Variants in MICAL3 observed in about 807,000 individuals in gnomAD.
The protein encoded by MICAL3 is [F-actin]-monooxygenase MICAL3.
In MICAL3, 62 loss-of-function variants were observed where a neutral mutation model predicts 207.4. The ratio of observed to expected loss-of-function variants is 0.30; its 90% CI spans 0.24 to 0.37. MICAL3 has a LOEUF of 0.37. Among genes scored for constraint, MICAL3 ranks in the 10% least tolerant of loss-of-function variants. The pLI is 1.00. For missense variants in MICAL3, 2,368 were observed against 2,635.6 expected, an observed-to-expected ratio of 0.90 and a Z score of 2.22; for synonymous variants, 1,077 against 1,069.3, an observed-to-expected ratio of 1.01 and a Z score of -0.14.
intron 1 of MICAL3, among the ~76,000 whole-genome samples, chr22:17,942,072 G>A (rs1339459523): frequency 6.6e-6 from 1 of 152,180 alleles, no homozygotes; most frequent in African/African-American, 2.4e-5. Flanking sequence ...TCAAGGAAAC[G>A]ACTTGCCTAA....
intron 29 of MICAL3, among the ~76,000 whole-genome samples, chr22:17,806,176 T>C (rs1388055563): frequency 6.6e-6 from 1 of 152,236 alleles, no homozygotes; most frequent in African/African-American, 2.4e-5. Flanking sequence ...TGTAAATGTG[T>C]TAGTGAAGAG....
At chr22:17,885,382 G>A (rs1046989797) in intron 16 of MICAL3, among the ~76,000 whole-genome samples, 3 of 152,136 alleles carry the variant, frequency 2.0e-5, no homozygotes, top group African/African-American at 7.2e-5. Context: ...ACATGGGAAC[G>A]CCTACGGTTA....
chr22:17,983,464 CCA>C (rs1488321730), intron 1 of MICAL3: 47 of 139,378 alleles, frequency 3.4e-4, no homozygotes, highest in African/African-American at 1.3e-3. Flanking sequence ...AGGATGGAGA[CCA>C]TCTCTACCTA....
At position 17,902,594 on chromosome 22, in the gene MICAL3, C is replaced by A. The variant is rs746718823; in HGVS notation, c.589+37G>T. The A allele has an allele frequency of 1.6e-6, 2 of 1,266,614 alleles. No homozygotes were observed. Among genetic ancestry groups the A allele is most frequent in the East Asian group, 2.5e-5 (1 of 40,544 alleles). The allele number at this position is 1,266,614 out of a possible 1,614,324, so 78.5% of individuals were successfully genotyped here. On this transcript the variant is annotated intron_variant, in intron 4 of 31. Coordinates refer to ENST00000441493, the MANE Select transcript of MICAL3 (RefSeq NM_015241.3). The surrounding 1 kb of genome is among the most constrained non-coding windows in gnomAD (Gnocchi z 4.5). ...TCTCATCTTCCTCACCCATCAACAC[C>A]CTCTCACGCCTTCTTCACTCCTCCA...
At chr22:17,850,270 A>G (rs1286948341) in intron 19 of MICAL3, among the ~76,000 whole-genome samples, 2 of 152,158 alleles carry the variant, frequency 1.3e-5, no homozygotes. Flanking sequence ...TCAGACCCAA[A>G]CACTGTTTCC....
chr22:17,996,483 G>A (rs545683609), intron 1 of MICAL3, among the ~76,000 whole-genome samples: 36 of 152,082 alleles, frequency 2.4e-4, no homozygotes, highest in Non-Finnish European at 3.8e-4. Context: ...CAAGGCTTGG[G>A]GTGACAGTTT....
At chr22:17,999,944 T>C (rs1310452678) in intron 1 of MICAL3, among the ~76,000 whole-genome samples, 1 of 152,202 alleles carries the variant, frequency 6.6e-6, no homozygotes, top group Non-Finnish European at 1.5e-5. Context: ...GAAGTACATC[T>C]GGCAATCAAA....
chr22:17,929,439 G>T (rs548415218), intron 1 of MICAL3, among the ~76,000 whole-genome samples: 1 of 151,556 alleles, frequency 6.6e-6, no homozygotes, highest in Non-Finnish European at 1.5e-5. Context: ...GTGTAAGTTG[G>T]GTTATTTAAC....
At chr22:17,811,293 G>A (rs967843691) in intron 27 of MICAL3, 1 of 154,414 alleles carries the variant, frequency 6.5e-6, no homozygotes, top group Non-Finnish European at 1.4e-5. Flanking sequence ...AAGAGAAATC[G>A]GGATCCTTTT....
chr22:17,985,668 A>G (rs1602351328), intron 1 of MICAL3, among the ~76,000 whole-genome samples: 1 of 152,118 alleles, frequency 6.6e-6, no homozygotes, highest in Non-Finnish European at 1.5e-5. Context: ...TAGGCAGCCA[A>G]TTCCACCCTA....
chr22:17,960,335 G>A (rs1934848623), intron 1 of MICAL3, among the ~76,000 whole-genome samples: 1 of 152,238 alleles, frequency 6.6e-6, no homozygotes, highest in Non-Finnish European at 1.5e-5. Flanking sequence ...CATGTGTCCT[G>A]AAGCCTGGTC....
chr22:17,823,204 G>C (rs940589277), intron 22 of MICAL3, 144 bp from the exon 23 acceptor site: 1 of 632,196 alleles, frequency 1.6e-6, no homozygotes, highest in African/African-American at 1.8e-5. Flanking sequence ...GGCCCAGGGG[G>C]CTCTCCACAC....
At chr22:17,982,312 C>T (rs78810551) in intron 1 of MICAL3, among the ~76,000 whole-genome samples, 7,345 of 152,250 alleles carry the variant, frequency 0.048, 580 homozygotes, top group African/African-American at 0.17. Flanking sequence ...AGAAACTGCA[C>T]GTGCAACACG....
chr22:17,933,907 C>G (rs1323038897), intron 1 of MICAL3, among the ~76,000 whole-genome samples: 1 of 152,190 alleles, frequency 6.6e-6, no homozygotes, highest in Non-Finnish European at 1.5e-5. Context: ...CATACACTCT[C>G]TCAAGACTAA....
intron 1 of MICAL3, among the ~76,000 whole-genome samples, chr22:17,983,896 T>A (rs925691518): frequency 1.3e-5 from 2 of 151,990 alleles, no homozygotes; most frequent in Admixed American, 6.5e-5. Context: ...GGAGACACTT[T>A]CACTAATTTA....
At chr22:17,975,730 C>T (rs555786943) in intron 1 of MICAL3, among the ~76,000 whole-genome samples, 5 of 152,278 alleles carry the variant, frequency 3.3e-5, no homozygotes, top group African/African-American at 1.2e-4. Flanking sequence ...GAGTGAGTTA[C>T]ACAGACTCTC....
intron 24 of MICAL3, 100 bp from the exon 25 acceptor site, chr22:17,821,609 G>A (rs1240752222): frequency 1.2e-5 from 12 of 977,716 alleles, no homozygotes; most frequent in Admixed American, 3.0e-5. Context: ...GGAGGGTAGA[G>A]GGCGAGTCGC....
chr22:17,836,647 GTT>G (rs745531683), intron 20 of MICAL3, among the ~76,000 whole-genome samples: 6 of 141,834 alleles, frequency 4.2e-5, no homozygotes, highest in Non-Finnish European at 6.2e-5. Flanking sequence ...TTCCTGGGTG[GTT>G]TTTTTTTTTT....
At chr22:17,832,902 G>A (rs999258102) in intron 20 of MICAL3, among the ~76,000 whole-genome samples, 15 of 152,150 alleles carry the variant, frequency 9.9e-5, no homozygotes, top group African/African-American at 1.9e-4. Flanking sequence ...GGGAAATGAC[G>A]GCAAAGGCAC....
Sources: gnomAD v4.1 joint callset for allele counts (sites outside exome capture counted in the v4.1 genomes callset) on GRCh38, gnomAD v4.1.1 for gene constraint, Gnocchi (gnomAD v3.1) non-coding constraint, MANE v1.5 for transcripts, NCBI Gene and HGNC (gene_info 2026-07-23, HGNC 2026-07-21) for gene names.